SMOX: variants seen among roughly 807,000 people sequenced by gnomAD.
SMOX encodes spermine oxidase.
SMOX carries 22 observed loss-of-function variants against 51.0 expected under a neutral mutation model. The ratio of observed to expected loss-of-function variants is 0.43; its 90% confidence interval spans 0.31 to 0.62. SMOX has a LOEUF of 0.62. Among genes scored for constraint, SMOX ranks in the 20% least tolerant of loss-of-function variants. The pLI is 0.10. For synonymous variants in SMOX, 282 were observed against 307.8 expected (o/e 0.92, Z 0.88); for missense variants, 566 against 777.7 (o/e 0.73, Z 3.24).
At chr20:4,169,566 C>T (rs1189477800) in intron 1 of SMOX, among the ~76,000 whole-genome samples, 2 of 152,198 alleles carry the variant, frequency 1.3e-5, no homozygotes, top group Admixed American at 6.5e-5. Context: ...CCAGTCTAGC[C>T]TGGGACCTCA....
Position 4,183,709 on chromosome 20 carries a change from G to T in SMOX, c.1530+55G>T. 6.6e-7 allele frequency: 1 copy of T among 1,520,062 alleles called. No homozygotes were observed. The allele number at this position is 1,520,062 out of a possible 1,614,324, so 94.2% of individuals were successfully genotyped here. A position where few individuals can be genotyped will look rare whatever the true frequency, so the allele number is the denominator to read the frequency against. ...AGTTGTGGGTGTATTTTGTATGTGT[G>T]TCCGGTCCAGGGTGAGGAGGGCTAG... On this transcript the variant is annotated intron_variant, in intron 6 of 6. Transcript: ENST00000305958. This position sits in a 1 kb window ranked among gnomAD's most constrained non-coding sequence, Gnocchi z 4.3.
At position 4,149,859 on chromosome 20, in the gene SMOX, C is replaced by G. The variant is rs546860286; in HGVS notation, c.-27+882C>G. Among the ~76,000 whole-genome samples, 1 of 152,256 alleles carries G rather than the reference C, an allele frequency of 6.6e-6. No individual in the cohort carries two copies. Among genetic ancestry groups the G allele is most frequent in the East Asian group, 1.9e-4 (1 of 5,150 alleles). ...GGGGGCAACTTGGCCGTGATTGGAG[C>G]CAGCAGTAGGTGCCCTGGGGTTACC... On this transcript the variant is annotated intron_variant, in intron 1 of 6. Transcript: ENST00000305958. The surrounding 1 kb of genome is among the most constrained non-coding windows in gnomAD (Gnocchi z 6.0).
intron 1 of SMOX, among the ~76,000 whole-genome samples, chr20:4,163,000 G>A (rs1986404653): frequency 6.6e-6 from 1 of 152,210 alleles, no homozygotes; most frequent in African/African-American, 2.4e-5. Flanking sequence ...AGAGCAGAGG[G>A]CTTTGGGAGC....
intron 3 of SMOX, among the ~76,000 whole-genome samples, chr20:4,180,602 G>C (rs1378820095): frequency 6.6e-6 from 1 of 152,132 alleles, no homozygotes; most frequent in Non-Finnish European, 1.5e-5. Flanking sequence ...AGAGTCCTTG[G>C]AATAACTCTC....
At position 4,157,956 on chromosome 20, in the gene SMOX, A is replaced by G. The variant is rs146203058; in HGVS notation, c.-27+8979A>G. On this transcript the variant is annotated intron_variant, in intron 1 of 6. Transcript: ENST00000305958. ...CGCTCTGTCGCCCAGGCTGGAGTGC[A>G]GCGGCGCGATCTCGGCTCACTGCAA... Among the ~76,000 whole-genome samples, 733 of 152,052 alleles carry G rather than the reference A, an allele frequency of 4.8e-3. 3 individuals carry two copies. The highest frequency in any genetic ancestry group is 0.016 in the African/African-American group (679 of 41,474).
chr20:4,169,946 T>C (rs1986752780), intron 1 of SMOX, among the ~76,000 whole-genome samples: 1 of 150,914 alleles, frequency 6.6e-6, no homozygotes, highest in Non-Finnish European at 1.5e-5. Flanking sequence ...TGGCGGGGAG[T>C]TGTGATTGAG....
At chr20:4,186,877 A>C (rs1250569106) in intron 6 of SMOX, 1 of 775,490 alleles carries the variant, frequency 1.3e-6, no homozygotes, top group Non-Finnish European at 2.4e-6. Flanking sequence ...TTGTTCTTCC[A>C]GGTTCTAAGT....
chr20:4,158,656 G>A (rs1986152481), intron 1 of SMOX, among the ~76,000 whole-genome samples: 1 of 152,162 alleles, frequency 6.6e-6, no homozygotes, highest in Non-Finnish European at 1.5e-5. Flanking sequence ...CATGGGTCCT[G>A]TCTTCCCCAT....
At position 4,177,715 on chromosome 20, in the gene SMOX, C is replaced by T. The variant is rs978890954; in HGVS notation, c.435+138C>T. 1.1e-5 allele frequency: 8 copies of T among 724,674 alleles called. No homozygotes were observed. Among genetic ancestry groups the T allele is most frequent in the African/African-American group, 1.8e-5 (1 of 56,396 alleles). The allele number at this position is 724,674 out of a possible 1,614,324, so 44.9% of individuals were successfully genotyped here. ...AATGTGAGGGTAAAATGAAAATATT[C>T]AGTGGGATAGAACTGATTTTTATAT... is the stretch of plus-strand genomic sequence containing the variant. On this transcript the variant is annotated intron_variant, in intron 3 of 6. Coordinates refer to ENST00000305958, the MANE Select transcript of SMOX (RefSeq NM_175839.3). This position sits in a 1 kb window ranked among gnomAD's most constrained non-coding sequence, Gnocchi z 4.3.
chr20:4,168,275 C>A (rs1321046452), intron 1 of SMOX, among the ~76,000 whole-genome samples: 2 of 152,122 alleles, frequency 1.3e-5, no homozygotes, highest in African/African-American at 2.4e-5. Flanking sequence ...CAGCCCTGAA[C>A]AGGTCTCATG....
At chr20:4,161,380 T>C (rs189413766) in intron 1 of SMOX, among the ~76,000 whole-genome samples, 2 of 152,308 alleles carry the variant, frequency 1.3e-5, no homozygotes, top group Admixed American at 1.3e-4. Context: ...AGGAGAGAAC[T>C]GGGCTTAATA....
chr20:4,170,002 A>G lies in SMOX; in HGVS notation c.-26-5028A>G, dbSNP rs1432079854. On this transcript the variant is annotated intron_variant, in intron 1 of 6. Transcript: ENST00000305958. This position sits in a 1 kb window ranked among gnomAD's most constrained non-coding sequence, Gnocchi z 4.6. ...GCTGGGTCCAGAGGGCAAGGCTGAC[A>G]TGCAGAGATCTTCCCCAGGCCTGCT... Among the ~76,000 whole-genome samples the G allele has an allele frequency of 6.6e-6, 1 of 152,174 alleles. No homozygotes were observed. The highest frequency in any genetic ancestry group is 1.5e-5 in the Non-Finnish European group (1 of 68,040).
In SMOX at chr20:4,165,049, G is replaced by GTTTTTTTTT. The variant is rs781522050; in HGVS notation, c.-26-9966_-26-9958dup. On this transcript the variant is annotated intron_variant, in intron 1 of 6. Coordinates refer to ENST00000305958, the MANE Select transcript of SMOX (RefSeq NM_175839.3). ...TGCATCACCATGCCTTAGCTAAGTT[G>GTTTTTTTTT]TTTTTTTTTTTTTTTTTTTTTTTGA... is the stretch of plus-strand genomic sequence containing the variant. 2.2e-3 allele frequency among the ~76,000 whole-genome samples: 191 copies of GTTTTTTTTT among 87,336 alleles called. 9 individuals are homozygous for GTTTTTTTTT. The highest frequency in any genetic ancestry group is 2.6e-3 in the Non-Finnish European group (118 of 45,252). 57.3% of individuals were successfully genotyped at this position (87,336 alleles called of 152,430 possible).
intron 1 of SMOX, among the ~76,000 whole-genome samples, chr20:4,160,820 A>G (rs1986274694): frequency 1.3e-5 from 2 of 152,166 alleles, no homozygotes; most frequent in African/African-American, 2.4e-5. Context: ...CACGGCTCAG[A>G]CAGCTCTGAC....
At chr20:4,163,272 G>T (rs1025684036) in intron 1 of SMOX, among the ~76,000 whole-genome samples, 1 of 152,116 alleles carries the variant, frequency 6.6e-6, no homozygotes, top group African/African-American at 2.4e-5. Flanking sequence ...TATAGGTAGG[G>T]GTTATTTGTA....
At chr20:4,160,938 C>A (rs553736322) in intron 1 of SMOX, among the ~76,000 whole-genome samples, 35 of 152,328 alleles carry the variant, frequency 2.3e-4, no homozygotes, top group South Asian at 8.3e-4. Context: ...GACCCCACCC[C>A]CTCCCCGGGG....
intron 1 of SMOX, among the ~76,000 whole-genome samples, chr20:4,157,970 G>T (rs930928455): frequency 6.6e-6 from 1 of 151,904 alleles, no homozygotes; most frequent in Non-Finnish European, 1.5e-5. Context: ...GCGCGATCTC[G>T]GCTCACTGCA....
intron 1 of SMOX, among the ~76,000 whole-genome samples, chr20:4,174,099 G>A (rs1007846645): frequency 4.6e-5 from 7 of 152,218 alleles, no homozygotes; most frequent in African/African-American, 1.4e-4. Context: ...CAACCTACCC[G>A]GAATAGCAGG....
At chr20:4,162,278 G>C (rs959341495) in intron 1 of SMOX, among the ~76,000 whole-genome samples, 4 of 152,236 alleles carry the variant, frequency 2.6e-5, no homozygotes, top group African/African-American at 9.6e-5. Context: ...GGCGGGGTGA[G>C]GCGGCTGCCA....
Sources: allele counts gnomAD v4.1 joint callset (sites outside exome capture counted in the v4.1 genomes callset), GRCh38; gene constraint gnomAD v4.1.1; non-coding constraint Gnocchi (gnomAD v3.1); transcripts MANE v1.5; gene names NCBI Gene and HGNC (gene_info 2026-07-23, HGNC 2026-07-21).